SCAPER: variants seen among roughly 807,000 people sequenced by gnomAD.
The protein encoded by SCAPER is S phase cyclin A-associated protein in the endoplasmic reticulum.
SCAPER carries 98 observed loss-of-function variants against 182.2 expected under a neutral mutation model. The ratio of observed to expected loss-of-function variants is 0.54; its 90% CI spans 0.46 to 0.64. The LOEUF (loss-of-function observed/expected upper bound fraction) is 0.64, where lower values mean the gene tolerates loss of function less well. SCAPER is among the 30% of genes least tolerant of loss of function. The pLI, the probability that SCAPER is intolerant of heterozygous loss-of-function variation, is 0.00. For synonymous variants in SCAPER, 605 were observed against 564.6 expected (o/e 1.07, Z -1.01); for missense variants, 1,432 against 1,690.0 (o/e 0.85, Z 2.68).
intron 17 of SCAPER, among the ~76,000 whole-genome samples, chr15:76,708,463 G>T (rs564486138): frequency 6.6e-6 from 1 of 150,410 alleles, no homozygotes; most frequent in Admixed American, 6.6e-5. Flanking sequence ...GGAGGGTGGG[G>T]CAGGAAAAAA....
rs374150740 is a variant in SCAPER at position 76,376,331 on chromosome 15, G to T, written c.3706-20C>A. On this transcript the variant is annotated intron_variant, in intron 28 of 31. Transcript: ENST00000563290. Reference sequence around the variant, plus strand: ...AATAGACTGACAAAGACAAGGAGCAGTTAGAAGCCCTCAGCCCAGGGAGAG... The same window carrying T: ...AATAGACTGACAAAGACAAGGAGCATTTAGAAGCCCTCAGCCCAGGGAGAG... 5.5e-5 allele frequency: 88 copies of T among 1,598,858 alleles called. No homozygotes were observed. The highest frequency in any genetic ancestry group is 7.3e-5 in the Non-Finnish European group (86 of 1,171,432).
At chr15:76,546,558 A>G (rs1180304556) in intron 23 of SCAPER, among the ~76,000 whole-genome samples, 1 of 151,882 alleles carries the variant, frequency 6.6e-6, no homozygotes, top group East Asian at 1.9e-4. Context: ...ACCCAATCCC[A>G]ATTTCCTACA....
chr15:76,751,229 CA>C (rs2062067029), intron 15 of SCAPER, among the ~76,000 whole-genome samples: 1 of 151,466 alleles, frequency 6.6e-6, no homozygotes, highest in Non-Finnish European at 1.5e-5. Context: ...AAATTAAAGA[CA>C]ACACAAATAA....
At chr15:76,620,769 C>T (rs1164073223) in intron 22 of SCAPER, among the ~76,000 whole-genome samples, 11 of 151,954 alleles carry the variant, frequency 7.2e-5, no homozygotes, top group Admixed American at 4.6e-4. Context: ...AACCAAACAC[C>T]GCATGTTCTC....
At chr15:76,483,429 T>C (rs74024121) in intron 24 of SCAPER, among the ~76,000 whole-genome samples, 12,699 of 151,998 alleles carry the variant, frequency 0.084, 610 homozygotes, top group Middle Eastern at 0.12. Flanking sequence ...CTCAAAATGA[T>C]CCTGAGTTTG....
chr15:76,831,523 T>C (rs985304123), intron 5 of SCAPER, among the ~76,000 whole-genome samples: 1 of 148,616 alleles, frequency 6.7e-6, no homozygotes, highest in Non-Finnish European at 1.5e-5. Context: ...CATTGTTCTG[T>C]TGGTGTACAC....
chr15:76,374,681 A>G (rs990991453), intron 29 of SCAPER, among the ~76,000 whole-genome samples: 1 of 151,496 alleles, frequency 6.6e-6, no homozygotes, highest in Non-Finnish European at 1.5e-5. Context: ...GGGTTTCTTC[A>G]TGTTGGTGAG....
intron 25 of SCAPER, among the ~76,000 whole-genome samples, chr15:76,454,183 C>A (rs375995926): frequency 3.0e-4 from 45 of 151,868 alleles, no homozygotes; most frequent in East Asian, 2.7e-3. Context: ...TTATTGTTTT[C>A]TTAGATGATC....
At chr15:76,402,611 G>A (rs1422547475) in intron 27 of SCAPER, among the ~76,000 whole-genome samples, 1 of 152,014 alleles carries the variant, frequency 6.6e-6, no homozygotes, top group Admixed American at 6.6e-5. Context: ...TAGACTCTTG[G>A]CTCCCTGAGG....
At chr15:76,711,552 T>A (rs1371590798) in intron 17 of SCAPER, among the ~76,000 whole-genome samples, 1 of 152,192 alleles carries the variant, frequency 6.6e-6, no homozygotes, top group African/African-American at 2.4e-5. Flanking sequence ...GTGAAGGAAC[T>A]GAAACTCTCA....
In SCAPER at chr15:76,348,472, G is replaced by T. The variant is rs906421235; in HGVS notation, c.*161C>A. 2.2e-5 allele frequency: 10 copies of T among 454,844 alleles called. No homozygotes were observed. In the East Asian group the frequency reaches 3.4e-4, roughly 16 times the overall value. The allele number at this position is 454,844 out of a possible 1,614,324, so 28.2% of individuals were successfully genotyped here. On this transcript the variant is annotated 3_prime_UTR_variant, in exon 32 of 32. Coordinates refer to ENST00000563290, the MANE Select transcript of SCAPER (RefSeq NM_020843.4). The stretch of plus-strand genomic sequence containing the variant: ...CAAAATTAGCAAGTAGAACATTCAA[G>T]TATCTACAGTCATTATAAATAGTGT...
intron 3 of SCAPER, among the ~76,000 whole-genome samples, chr15:76,860,260 A>AT (rs1296111511): frequency 1.3e-5 from 2 of 152,052 alleles, no homozygotes; most frequent in East Asian, 1.9e-4. Context: ...AATATACAGA[A>AT]TTTTTTTTAC....
intron 18 of SCAPER, among the ~76,000 whole-genome samples, chr15:76,705,439 C>G (rs927953658): frequency 1.3e-5 from 2 of 150,766 alleles, no homozygotes; most frequent in African/African-American, 4.9e-5. Context: ...AGGAGATATA[C>G]CTAATGCTAA....
At position 76,348,342 on chromosome 15, in the gene SCAPER, TTA is replaced by T. The variant is rs1468649634; in HGVS notation, c.*289_*290del. 5.1e-6 allele frequency: 1 copy of T among 197,652 alleles called. No individual in the cohort carries two copies. The highest frequency in any genetic ancestry group is 1.2e-4 in the East Asian group (1 of 8,526). 12.2% of individuals were successfully genotyped at this position (197,652 alleles called of 1,614,324 possible). On this transcript the variant is annotated 3_prime_UTR_variant, in exon 32 of 32. Coordinates refer to ENST00000563290, the MANE Select transcript of SCAPER (RefSeq NM_020843.4). ...CAAGAACAAAACAGACTTGCTAATT[TTA>T]TGTCTCCTTTCACCCATATCACAAA...
intron 15 of SCAPER, among the ~76,000 whole-genome samples, 180 bp downstream of exon 15, chr15:76,753,628 C>T (rs1003415421): frequency 2.0e-4 from 31 of 151,844 alleles, no homozygotes; most frequent in Admixed American, 1.8e-3. Flanking sequence ...TAATAGATGG[C>T]TCATAGAATT....
At chr15:76,789,252 C>A (rs1052113233) in intron 8 of SCAPER, among the ~76,000 whole-genome samples, 1 of 151,800 alleles carries the variant, frequency 6.6e-6, no homozygotes, top group Admixed American at 6.6e-5. Context: ...AAACAAAAAT[C>A]GTAAGATGAA....
rs112512619 is a variant in SCAPER, at chr15:76,876,023, G to A, written c.6+7789C>T. Among the ~76,000 whole-genome samples the A allele has an allele frequency of 1.8e-3, 277 of 152,296 alleles. 3 individuals carry two copies. The highest frequency in any genetic ancestry group is 5.9e-3 in the African/African-American group (245 of 41,560). On this transcript the variant is annotated intron_variant, in intron 2 of 31. Transcript: ENST00000563290. The stretch of plus-strand genomic sequence containing the variant: ...CGAGAAATCGAGCGCAGCGCCAGTC[G>A]GCCGGCACTGCTGGGGGACCCAGCG...
chr15:76,491,746 C>T (rs2052334115), intron 24 of SCAPER, among the ~76,000 whole-genome samples: 1 of 152,172 alleles, frequency 6.6e-6, no homozygotes, highest in African/African-American at 2.4e-5. Flanking sequence ...ATTCTCGTGC[C>T]TCAGCCACCT....
chr15:76,457,688 T>C (rs2048840634), intron 25 of SCAPER, among the ~76,000 whole-genome samples: 2 of 152,214 alleles, frequency 1.3e-5, no homozygotes, highest in Non-Finnish European at 2.9e-5. Context: ...TCCCATTCTC[T>C]ATATTATAAT....
Sources: allele counts gnomAD v4.1 joint callset (sites outside exome capture counted in the v4.1 genomes callset), GRCh38; gene constraint gnomAD v4.1.1; transcripts MANE v1.5; gene names NCBI Gene and HGNC (gene_info 2026-07-23, HGNC 2026-07-21).